Variants in PFDN1 observed in about 807,000 individuals in gnomAD.
PFDN1 encodes the protein prefoldin 1.
PFDN1 carries 6 observed loss-of-function variants against 17.3 expected under a neutral mutation model. The ratio of observed to expected loss-of-function variants is 0.35; its 90% CI spans 0.19 to 0.69. The LOEUF (loss-of-function observed/expected upper bound fraction) is 0.69. PFDN1 is among the 30% of genes least tolerant of loss of function. The probability of loss-of-function intolerance (pLI) is 0.65; values close to 1 mark genes in which losing one functional copy is unlikely to be tolerated. For synonymous variants in PFDN1, 58 were observed against 50.1 expected, an observed-to-expected ratio of 1.16 and a Z score of -0.67; for missense variants, 113 against 146.2, an observed-to-expected ratio of 0.77 and a Z score of 1.17.
chr5:140,291,405 T>C (rs547402022), intron 2 of PFDN1, among the ~76,000 whole-genome samples: 6 of 152,246 alleles, frequency 3.9e-5, no homozygotes, highest in Admixed American at 6.5e-5. Flanking sequence ...TTGGAAGAAT[T>C]TGAAGTGTGG....
At chr5:140,279,941 G>A (rs189283875) in intron 3 of PFDN1, among the ~76,000 whole-genome samples, 1 of 130,184 alleles carries the variant, frequency 7.7e-6, no homozygotes, top group East Asian at 2.4e-4. Context: ...GTAGCAGTGA[G>A]CCGAGATCAC....
intron 3 of PFDN1, chr5:140,262,448 G>A (rs1038719873): frequency 2.9e-5 from 13 of 446,606 alleles, no homozygotes; most frequent in Admixed American, 1.2e-4. Flanking sequence ...CTAAATCATG[G>A]GCAGAAGCCA....
At chr5:140,246,105 G>A (rs747963593) in intron 3 of PFDN1, 48 bp from the exon 4 acceptor site, 43 of 1,142,568 alleles carry the variant, frequency 3.8e-5, no homozygotes, top group African/African-American at 7.7e-5. Flanking sequence ...TGAATGGGCC[G>A]GGCTGGAAGA....
At chr5:140,281,640 T>C in intron 2 of PFDN1, 107 bp from the exon 3 acceptor site, 2 of 682,272 alleles carry the variant, frequency 2.9e-6, no homozygotes, top group Non-Finnish European at 5.3e-6. Context: ...AAAGGACAAA[T>C]GCATATTAAC....
At chr5:140,267,301 C>T (rs1451676257) in intron 3 of PFDN1, among the ~76,000 whole-genome samples, 1 of 152,260 alleles carries the variant, frequency 6.6e-6, no homozygotes, top group Admixed American at 6.5e-5. Flanking sequence ...TCCCCCACTT[C>T]TAACCACCAC....
chr5:140,281,685 T>G, intron 2 of PFDN1, 152 bp from the exon 3 acceptor site: 1 of 613,712 alleles, frequency 1.6e-6, no homozygotes, highest in Non-Finnish European at 2.9e-6. Flanking sequence ...ACCAGAAGTT[T>G]AAACCTTCTT....
chr5:140,288,651 T>C (rs1765533716), intron 2 of PFDN1, among the ~76,000 whole-genome samples: 1 of 152,164 alleles, frequency 6.6e-6, no homozygotes, highest in African/African-American at 2.4e-5. Flanking sequence ...TGCTGTTCTT[T>C]CTGCTCAATT....
At chr5:140,265,533 C>A (rs182495449) in intron 3 of PFDN1, among the ~76,000 whole-genome samples, 4 of 152,230 alleles carry the variant, frequency 2.6e-5, no homozygotes, top group African/African-American at 4.8e-5. Context: ...TATTCAACAT[C>A]TCTACTTGGG....
intron 2 of PFDN1, among the ~76,000 whole-genome samples, chr5:140,292,451 G>C (rs915095142): frequency 6.6e-6 from 1 of 152,162 alleles, no homozygotes; most frequent in African/African-American, 2.4e-5. Flanking sequence ...CTCTGAGCCA[G>C]TGTAAAGGTT....
intron 2 of PFDN1, 69 bp downstream of exon 2, chr5:140,300,347 G>C: frequency 8.1e-7 from 1 of 1,239,134 alleles, no homozygotes; most frequent in Non-Finnish European, 1.2e-6. Flanking sequence ...GTTTTAAGAT[G>C]AACAAATTCT....
At chr5:140,248,648 A>G (rs927664166) in intron 3 of PFDN1, among the ~76,000 whole-genome samples, 4 of 152,140 alleles carry the variant, frequency 2.6e-5, no homozygotes, top group African/African-American at 7.2e-5. Context: ...TGGCAAAACC[A>G]TCAACTTGGA....
At chr5:140,299,507 G>A (rs2126703410) in intron 2 of PFDN1, among the ~76,000 whole-genome samples, 1 of 151,020 alleles carries the variant, frequency 6.6e-6, no homozygotes, top group East Asian at 2.0e-4. Context: ...GGCTGAGGCA[G>A]AATTGTTTGA....
intron 3 of PFDN1, among the ~76,000 whole-genome samples, chr5:140,272,659 T>C (rs1194160681): frequency 2.6e-5 from 4 of 152,096 alleles, no homozygotes; most frequent in African/African-American, 7.2e-5. Flanking sequence ...TGCCCGGCTG[T>C]AAAACTGTAT....
chr5:140,279,995 C>CAAAAAAAAAAAAAAAAAAAAAAA (rs772575762), intron 3 of PFDN1, among the ~76,000 whole-genome samples: 35 of 31,232 alleles, frequency 1.1e-3, no homozygotes, highest in Non-Finnish European at 1.3e-3. Flanking sequence ...AACTCCGTCT[C>CAAAAAAAAAAAAAAAAAAAAAAA]AAAAAAAAAA....
At chr5:140,280,041 GAAAGAA>G (rs1765376162) in intron 3 of PFDN1, among the ~76,000 whole-genome samples, 1 of 89,884 alleles carries the variant, frequency 1.1e-5, no homozygotes, top group Non-Finnish European at 2.3e-5. Context: ...AGAAAAGAAA[GAAAGAA>G]AAAGAAAAAA....
intron 3 of PFDN1, among the ~76,000 whole-genome samples, chr5:140,267,540 T>G (rs1461617863): frequency 6.6e-6 from 1 of 152,208 alleles, no homozygotes; most frequent in East Asian, 1.9e-4. Flanking sequence ...ATGAGCACTT[T>G]AAACAAAAAA....
chr5:140,287,253 C>G (rs555290920), intron 2 of PFDN1, among the ~76,000 whole-genome samples: 2 of 152,104 alleles, frequency 1.3e-5, no homozygotes, highest in African/African-American at 4.8e-5. Context: ...GTTACAGATA[C>G]GCAAGAAAGG....
At chr5:140,292,804 A>G (rs1429402157) in intron 2 of PFDN1, 2 of 152,188 alleles carry the variant, frequency 1.3e-5, no homozygotes, top group Non-Finnish European at 2.9e-5. Context: ...AGAGTAAAGT[A>G]TATTTGCAGT....
intron 3 of PFDN1, among the ~76,000 whole-genome samples, chr5:140,250,075 C>T (rs560775873): frequency 2.0e-5 from 3 of 152,278 alleles, no homozygotes; most frequent in African/African-American, 7.2e-5. Flanking sequence ...AAGGGCTCTG[C>T]CCTCATGACC....
Sources: allele counts gnomAD v4.1 joint callset (sites outside exome capture counted in the v4.1 genomes callset), GRCh38; gene constraint gnomAD v4.1.1; transcripts MANE v1.5; gene names NCBI Gene and HGNC (gene_info 2026-07-23, HGNC 2026-07-21).